Variants in PRKG1 observed in about 807,000 individuals in gnomAD.
PRKG1 encodes cGMP-dependent protein kinase 1.
A neutral mutation model predicts 88.1 loss-of-function variants in PRKG1; 35 were observed. The ratio of observed to expected loss-of-function variants is 0.40; its 90% confidence interval spans 0.30 to 0.53. The LOEUF (loss-of-function observed/expected upper bound fraction) is 0.53. Ranked by LOEUF, PRKG1 falls within the 20% of genes least tolerant of loss-of-function variation. PRKG1 has a pLI of 0.59. For missense variants in PRKG1, 540 were observed against 839.8 expected (o/e 0.64, Z 4.41); for synonymous variants, 303 against 292.5 (o/e 1.04, Z -0.37).
At chr10:51,321,947 A>T (rs1841468515) in intron 2 of PRKG1, among the ~76,000 whole-genome samples, 1 of 152,226 alleles carries the variant, frequency 6.6e-6, no homozygotes, top group Non-Finnish European at 1.5e-5. Flanking sequence ...ACAGATGGTA[A>T]GTCTTAGGAA....
chr10:51,446,215 C>T (rs148890207), intron 2 of PRKG1, among the ~76,000 whole-genome samples: 2,010 of 152,006 alleles, frequency 0.013, 29 homozygotes, highest in Non-Finnish European at 0.021. Flanking sequence ...GACGTACATC[C>T]TAGAATTACC....
intron 3 of PRKG1, among the ~76,000 whole-genome samples, chr10:51,611,567 G>T (rs532392012): frequency 1.3e-5 from 2 of 150,086 alleles, no homozygotes; most frequent in African/African-American, 4.9e-5. Flanking sequence ...TATTTTCTCC[G>T]TTTCAAGAGG....
intron 2 of PRKG1, among the ~76,000 whole-genome samples, chr10:51,429,443 A>G (rs922114331): frequency 6.6e-6 from 1 of 152,144 alleles, no homozygotes; most frequent in African/African-American, 2.4e-5. Context: ...CATGAGACAC[A>G]TAAAGAAAGA....
chr10:51,284,136 T>G (rs1840372285), intron 2 of PRKG1, among the ~76,000 whole-genome samples: 1 of 152,138 alleles, frequency 6.6e-6, no homozygotes, highest in African/African-American at 2.4e-5. Flanking sequence ...ACAAGGAGAA[T>G]TTTTCAAATT....
intron 3 of PRKG1, among the ~76,000 whole-genome samples, chr10:51,742,160 G>A (rs1472135541): frequency 6.6e-6 from 1 of 152,164 alleles, no homozygotes; most frequent in Non-Finnish European, 1.5e-5. Context: ...AGAGGCTGCT[G>A]CTGAGATTGT....
chr10:51,680,875 C>CAAAT (rs2132369437), intron 3 of PRKG1, among the ~76,000 whole-genome samples: 1 of 152,274 alleles, frequency 6.6e-6, no homozygotes, highest in East Asian at 1.9e-4. Context: ...TGGCATTAGA[C>CAAAT]AAATGTTGGC....
At chr10:51,117,355 C>T (rs996524111) in intron 1 of PRKG1, among the ~76,000 whole-genome samples, 2 of 152,164 alleles carry the variant, frequency 1.3e-5, no homozygotes, top group African/African-American at 4.8e-5. Flanking sequence ...ACATTTTAAC[C>T]AGTTATCTTG....
chr10:52,193,844 A>G (rs1312528456), intron 9 of PRKG1, among the ~76,000 whole-genome samples: 2 of 152,140 alleles, frequency 1.3e-5, no homozygotes, highest in Admixed American at 6.5e-5. Context: ...GCTTTTTTAA[A>G]ATGTATGATT....
intron 6 of PRKG1, among the ~76,000 whole-genome samples, chr10:52,060,417 T>C (rs1589567962): frequency 6.6e-6 from 1 of 152,032 alleles, no homozygotes; most frequent in East Asian, 1.9e-4. Context: ...AATTAATACA[T>C]GTGTTCAACA....
At chr10:51,648,735 C>T (rs376374933) in intron 3 of PRKG1, among the ~76,000 whole-genome samples, 11 of 152,164 alleles carry the variant, frequency 7.2e-5, no homozygotes, top group South Asian at 2.1e-4. Context: ...TATTCAATTA[C>T]GGAAACATAT....
In PRKG1 at chr10:52,152,598, G is replaced by A. The variant is rs114338943; in HGVS notation, c.1002-9291G>A. ...AAGACAAAGGCCCTGAGGCAGATGC[G>A]TGAAGTATTCTATGGTCAAATGTAG... On this transcript the variant is annotated intron_variant, in intron 8 of 17. Transcript: ENST00000373980. Among the ~76,000 whole-genome samples, 701 of 152,168 alleles carry A rather than the reference G, an allele frequency of 4.6e-3. 6 individuals carry two copies. The highest frequency in any genetic ancestry group is 0.015 in the African/African-American group (643 of 41,544).
At chr10:51,073,436 A>C (rs976937410), upstream of PRKG1, among the ~76,000 whole-genome samples, 1 of 152,306 alleles carries the variant, frequency 6.6e-6, no homozygotes, top group South Asian at 2.1e-4. Flanking sequence ...GGTATGATTC[A>C]GTTTCAAGAT....
intron 7 of PRKG1, among the ~76,000 whole-genome samples, chr10:52,073,493 AATC>A (rs1225509934): frequency 6.6e-6 from 1 of 152,150 alleles, no homozygotes; most frequent in East Asian, 1.9e-4. Flanking sequence ...TCTATGCTGT[AATC>A]ATACTGAGAT....
intron 1 of PRKG1, among the ~76,000 whole-genome samples, chr10:51,057,431 C>T (rs920237513): frequency 1.3e-5 from 2 of 152,094 alleles, no homozygotes; most frequent in African/African-American, 4.8e-5. Context: ...TGCATTGTAA[C>T]ACACATAAAT....
At chr10:51,970,858 C>G (rs957067315) in intron 5 of PRKG1, among the ~76,000 whole-genome samples, 2 of 147,406 alleles carry the variant, frequency 1.4e-5, no homozygotes, top group African/African-American at 5.0e-5. Flanking sequence ...ATCTCCATCC[C>G]CAACAGAAGT....
chr10:51,079,124 A>G (rs538527800), intron 1 of PRKG1, among the ~76,000 whole-genome samples: 1 of 152,196 alleles, frequency 6.6e-6, no homozygotes, highest in Non-Finnish European at 1.5e-5. Context: ...TAATTCCAAA[A>G]GTGCCCTACA....
At chr10:51,041,437 T>G in intron 1 of PRKG1, among the ~76,000 whole-genome samples, 1 of 152,208 alleles carries the variant, frequency 6.6e-6, no homozygotes, top group South Asian at 2.1e-4. Flanking sequence ...GGGTCACACC[T>G]GAAGCTGGCA....
Position 51,704,725 on chromosome 10 carries a change from G to T in PRKG1, c.593-99860G>T, listed in dbSNP as rs149118987. ...CCTGGTGTTTTTTACGGCCTCAGAG[G>T]AAACCAAGAGAGTTGGTGAGGAGTG... is the stretch of plus-strand genomic sequence containing the variant. On this transcript the variant is annotated intron_variant, in intron 3 of 17. Coordinates refer to ENST00000373980, the MANE Select transcript of PRKG1 (RefSeq NM_006258.4). 1.3e-3 allele frequency among the ~76,000 whole-genome samples: 199 copies of T among 152,262 alleles called. 3 individuals are homozygous for T. The East Asian group carries it at 0.035, about 27-fold the overall frequency.
intron 3 of PRKG1, among the ~76,000 whole-genome samples, chr10:51,686,657 C>A (rs191159339): frequency 6.6e-6 from 1 of 152,156 alleles, no homozygotes. Flanking sequence ...CAAACAAAGC[C>A]CCAATTAGGA....
Sources: allele counts gnomAD v4.1 joint callset (sites outside exome capture counted in the v4.1 genomes callset), GRCh38; gene constraint gnomAD v4.1.1; transcripts MANE v1.5; gene names NCBI Gene and HGNC (gene_info 2026-07-23, HGNC 2026-07-21).